The following PODXL2 variants were observed in gnomAD, a reference collection of about 807,000 sequenced individuals.
The protein encoded by PODXL2 is podocalyxin like 2, also known as podocalyxin-like protein 2.
In PODXL2, 17 loss-of-function variants were observed where a neutral mutation model predicts 53.4. The ratio of observed to expected loss-of-function variants is 0.32; its 90% CI spans 0.22 to 0.48. The LOEUF is 0.48. Ranked by LOEUF, PODXL2 falls within the 20% of genes least tolerant of loss-of-function variation. PODXL2 has a pLI of 0.99. For synonymous variants in PODXL2, 311 were observed against 306.7 expected (o/e 1.01, Z -0.15); for missense variants, 673 against 760.0 (o/e 0.89, Z 1.35).
intron 2 of PODXL2, among the ~76,000 whole-genome samples, chr3:127,649,341 CTG>C (rs1298845151): frequency 6.6e-6 from 1 of 152,228 alleles, no homozygotes; most frequent in Non-Finnish European, 1.5e-5. Context: ...GCTACATGGA[CTG>C]TGCCATGATG....
intron 1 of PODXL2, among the ~76,000 whole-genome samples, chr3:127,637,388 G>A (rs1401924578): frequency 6.6e-6 from 1 of 152,112 alleles, no homozygotes; most frequent in East Asian, 1.9e-4. Flanking sequence ...TTTTCCCCGG[G>A]CCATGAACTT....
intron 2 of PODXL2, among the ~76,000 whole-genome samples, chr3:127,658,063 TTTC>T (rs1393402950): frequency 6.6e-6 from 1 of 152,234 alleles, no homozygotes; most frequent in Non-Finnish European, 1.5e-5. Context: ...TTGTTCTTTC[TTTC>T]TTATTTATCT....
At chr3:127,638,026 G>A (rs2074589139) in intron 1 of PODXL2, among the ~76,000 whole-genome samples, 1 of 152,188 alleles carries the variant, frequency 6.6e-6, no homozygotes, top group African/African-American at 2.4e-5. Context: ...GAGGAAGACT[G>A]TGAAATTCCC....
At chr3:127,660,243 TG>T in intron 2 of PODXL2, 134 bp from the exon 3 acceptor site, 1 of 1,046,964 alleles carries the variant, frequency 9.6e-7, no homozygotes, top group Non-Finnish European at 1.4e-6. Context: ...TCTGCTCCCC[TG>T]GCCTCTCCAT....
At chr3:127,657,137 C>G (rs2074730210) in intron 2 of PODXL2, among the ~76,000 whole-genome samples, 1 of 152,194 alleles carries the variant, frequency 6.6e-6, no homozygotes, top group Non-Finnish European at 1.5e-5. Flanking sequence ...ATGCTGCCGA[C>G]AGCGTGACTG....
chr3:127,663,473 C>G (rs1393829700), intron 4 of PODXL2, among the ~76,000 whole-genome samples: 1 of 152,150 alleles, frequency 6.6e-6, no homozygotes, highest in African/African-American at 2.4e-5. Context: ...GTTAGTGGGC[C>G]TGGGCAAGAC....
chr3:127,664,499 T>C (rs2074784289), intron 4 of PODXL2, among the ~76,000 whole-genome samples: 1 of 152,168 alleles, frequency 6.6e-6, no homozygotes, highest in African/African-American at 2.4e-5. Flanking sequence ...CTGTTTTTAA[T>C]TATTTTGGGT....
chr3:127,660,166 T>C (rs1289033598), intron 2 of PODXL2, among the ~76,000 whole-genome samples: 3 of 152,188 alleles, frequency 2.0e-5, no homozygotes, highest in Non-Finnish European at 4.4e-5. Flanking sequence ...GTTTTGGTGA[T>C]AAATTTGTAT....
chr3:127,663,156 G>A (rs759245540), intron 4 of PODXL2, among the ~76,000 whole-genome samples: 2 of 152,128 alleles, frequency 1.3e-5, no homozygotes, highest in Non-Finnish European at 2.9e-5. Context: ...CAGCACTGCG[G>A]GAAGAACTAG....
intron 4 of PODXL2, among the ~76,000 whole-genome samples, chr3:127,663,033 C>T (rs914136861): frequency 6.6e-6 from 1 of 152,192 alleles, no homozygotes; most frequent in Non-Finnish European, 1.5e-5. Context: ...TCTCCCTCCC[C>T]AAAACACACA....
At chr3:127,640,869 G>A (rs147908361) in intron 2 of PODXL2, among the ~76,000 whole-genome samples, 27 of 152,182 alleles carry the variant, frequency 1.8e-4, no homozygotes, top group African/African-American at 2.9e-4. Context: ...GTATATTTCC[G>A]CATTGTTAAA....
intron 6 of PODXL2, among the ~76,000 whole-genome samples, chr3:127,670,608 G>C (rs1181010157): frequency 6.6e-6 from 1 of 152,200 alleles, no homozygotes; most frequent in Non-Finnish European, 1.5e-5. Flanking sequence ...AAGTACTGGA[G>C]ATACACGGGT....
At chr3:127,672,236 C>T in intron 7 of PODXL2, 32 bp from the exon 8 acceptor site, 1 of 1,526,932 alleles carries the variant, frequency 6.5e-7, no homozygotes, top group South Asian at 1.2e-5. Flanking sequence ...GGCTGGCTCG[C>T]TCGCCCATGG....
intron 2 of PODXL2, 92 bp from the exon 3 acceptor site, chr3:127,660,286 A>G: frequency 1.3e-6 from 2 of 1,516,292 alleles, no homozygotes; most frequent in Non-Finnish European, 1.8e-6. Flanking sequence ...CTGTCAGTGT[A>G]TTGTGGTTCT....
intron 2 of PODXL2, among the ~76,000 whole-genome samples, chr3:127,652,959 A>G (rs986384157): frequency 1.3e-5 from 2 of 151,936 alleles, no homozygotes; most frequent in African/African-American, 2.4e-5. Flanking sequence ...TAGCCCTGTC[A>G]TGTGTCCCCT....
At chr3:127,646,820 G>A (rs1376114951) in intron 2 of PODXL2, among the ~76,000 whole-genome samples, 1 of 152,196 alleles carries the variant, frequency 6.6e-6, no homozygotes, top group Non-Finnish European at 1.5e-5. Context: ...AGGCCACACA[G>A]CTTGTGTGTG....
intron 1 of PODXL2, among the ~76,000 whole-genome samples, chr3:127,637,075 G>A (rs893092620): frequency 5.3e-5 from 8 of 152,188 alleles, no homozygotes; most frequent in Admixed American, 1.3e-4. Context: ...CGCCCGCCTC[G>A]GCCTCCCAAA....
chr3:127,663,726 T>TC (rs2074780543), intron 4 of PODXL2, among the ~76,000 whole-genome samples: 1 of 152,228 alleles, frequency 6.6e-6, no homozygotes, highest in African/African-American at 2.4e-5. Flanking sequence ...AATAAGACAT[T>TC]CCAGGCTCAC....
intron 4 of PODXL2, among the ~76,000 whole-genome samples, chr3:127,668,143 T>C (rs146470082): frequency 7.7e-5 from 11 of 143,180 alleles, no homozygotes; most frequent in Non-Finnish European, 1.4e-4. Context: ...TGTGTGTGTG[T>C]CCCCAGCCCC....
Sources: allele counts gnomAD v4.1 joint callset (sites outside exome capture counted in the v4.1 genomes callset), GRCh38; gene constraint gnomAD v4.1.1; transcripts MANE v1.5; gene names NCBI Gene and HGNC (gene_info 2026-07-23, HGNC 2026-07-21).